The following AUTS2 variants were observed in gnomAD, a reference collection of about 807,000 sequenced individuals.
AUTS2 encodes autism susceptibility gene 2 protein.
In AUTS2, 17 loss-of-function variants were observed where a neutral mutation model predicts 112.4. The ratio of observed to expected loss-of-function variants is 0.15; its 90% CI spans 0.10 to 0.23. The LOEUF (loss-of-function observed/expected upper bound fraction) is 0.23. Ranked by LOEUF, AUTS2 falls within the 10% of genes least tolerant of loss-of-function variation. The pLI is 1.00. For synonymous variants in AUTS2, 751 were observed against 702.7 expected (o/e 1.07, Z -1.09); for missense variants, 1,510 against 1,701.6 (o/e 0.89, Z 1.98).
At chr7:69,714,131 G>C (rs1798468370) in intron 1 of AUTS2, among the ~76,000 whole-genome samples, 1 of 151,654 alleles carries the variant, frequency 6.6e-6, no homozygotes, top group South Asian at 2.1e-4. Flanking sequence ...TATGATCACA[G>C]CTCACTGCAG....
chr7:69,759,596 C>T (rs560506275), intron 1 of AUTS2, among the ~76,000 whole-genome samples: 15 of 152,122 alleles, frequency 9.9e-5, no homozygotes, highest in African/African-American at 2.2e-4. Flanking sequence ...GGGCCTCAAA[C>T]GCCTGGACGT....
intron 5 of AUTS2, among the ~76,000 whole-genome samples, chr7:70,529,484 T>A (rs998333950): frequency 6.6e-6 from 1 of 152,204 alleles, no homozygotes; most frequent in African/African-American, 2.4e-5. Flanking sequence ...GAATTCTCTG[T>A]ATTCAGACCC....
At chr7:69,880,895 G>C (rs977643391) in intron 1 of AUTS2, among the ~76,000 whole-genome samples, 3 of 152,174 alleles carry the variant, frequency 2.0e-5, no homozygotes, top group African/African-American at 7.2e-5. Flanking sequence ...CTCATGGTGA[G>C]AGAGGCAGAG....
intron 4 of AUTS2, among the ~76,000 whole-genome samples, chr7:70,329,800 A>G (rs900386086): frequency 2.0e-5 from 3 of 151,966 alleles, no homozygotes; most frequent in African/African-American, 7.3e-5. Context: ...TGTTGTAACA[A>G]ACTACTTGAC....
intron 1 of AUTS2, among the ~76,000 whole-genome samples, chr7:69,769,608 C>G (rs1438592845): frequency 6.6e-6 from 1 of 152,192 alleles, no homozygotes; most frequent in Non-Finnish European, 1.5e-5. Context: ...ATCTCCCTCC[C>G]CTCCTTTCCT....
At chr7:70,436,071 A>G (rs926539680) in intron 5 of AUTS2, 4 of 329,238 alleles carry the variant, frequency 1.2e-5, no homozygotes, top group Non-Finnish European at 2.2e-5. Context: ...TTAAAAGACA[A>G]AATTATTTAT....
chr7:70,281,895 C>T (rs372831342), intron 4 of AUTS2, among the ~76,000 whole-genome samples: 19 of 152,318 alleles, frequency 1.2e-4, no homozygotes, highest in African/African-American at 4.6e-4. Context: ...TTATCTGCTG[C>T]TTTCTTCCAC....
intron 1 of AUTS2, among the ~76,000 whole-genome samples, chr7:69,871,675 T>C (rs1311031769): frequency 6.6e-6 from 1 of 152,204 alleles, no homozygotes; most frequent in East Asian, 1.9e-4. Flanking sequence ...CTGAGACGGC[T>C]ACTAAGTGAC....
At chr7:70,502,830 A>T (rs1193283843) in intron 5 of AUTS2, among the ~76,000 whole-genome samples, 2 of 152,244 alleles carry the variant, frequency 1.3e-5, no homozygotes, top group South Asian at 4.1e-4. Flanking sequence ...TGTGTTTTAC[A>T]GGTGAAGACT....
At position 70,469,760 on chromosome 7, in the gene AUTS2, C is replaced by T. The variant is rs1797306759; in HGVS notation, c.690+33979C>T. Among the ~76,000 whole-genome samples, 3 of 152,198 alleles carry T rather than the reference C, an allele frequency of 2.0e-5. No individual in the cohort carries two copies. The South Asian group carries it at 6.2e-4, about 32-fold the overall frequency. On this transcript the variant is annotated intron_variant, in intron 5 of 18. Coordinates refer to ENST00000342771, the MANE Select transcript of AUTS2 (RefSeq NM_015570.4). Reference sequence around the variant, plus strand: ...GGTTCAAGCGATTCTCCTGCCTCAGCCTCTTGAGTAGCTAGGAATACAGGC... The same window carrying T: ...GGTTCAAGCGATTCTCCTGCCTCAGTCTCTTGAGTAGCTAGGAATACAGGC...
intron 4 of AUTS2, among the ~76,000 whole-genome samples, chr7:70,225,213 A>G (rs1811700855): frequency 6.6e-6 from 1 of 152,174 alleles, no homozygotes; most frequent in Admixed American, 6.5e-5. Flanking sequence ...TTTGGGTTTA[A>G]TATGTCCAGA....
chr7:70,678,413 A>G (rs1277273505), intron 5 of AUTS2, among the ~76,000 whole-genome samples: 5 of 152,146 alleles, frequency 3.3e-5, no homozygotes, highest in African/African-American at 1.2e-4. Context: ...TTGCCCCTCA[A>G]CTCTCCTTGG....
chr7:69,765,789 GA>G (rs1025577933), intron 1 of AUTS2, among the ~76,000 whole-genome samples: 11 of 151,728 alleles, frequency 7.2e-5, no homozygotes, highest in African/African-American at 2.4e-5. Flanking sequence ...AAAATACAAA[GA>G]AAAAAAATTA....
intron 5 of AUTS2, among the ~76,000 whole-genome samples, chr7:70,554,365 G>T (rs569893796): frequency 6.6e-6 from 1 of 150,448 alleles, no homozygotes; most frequent in Non-Finnish European, 1.5e-5. Context: ...CACTGTGCCC[G>T]GCCTCTTTTT....
intron 5 of AUTS2, among the ~76,000 whole-genome samples, chr7:70,663,763 T>C (rs1276206703): frequency 2.6e-5 from 4 of 152,250 alleles, no homozygotes; most frequent in South Asian, 4.1e-4. Context: ...ACAACATGCA[T>C]GTACCTGTGA....
chr7:70,456,466 G>A (rs953579747), intron 5 of AUTS2, among the ~76,000 whole-genome samples: 7 of 152,316 alleles, frequency 4.6e-5, no homozygotes, highest in Non-Finnish European at 5.9e-5. Context: ...ATTAATTAAT[G>A]CCCACTTACT....
Position 70,024,454 on chromosome 7 carries a change from G to A in AUTS2, c.523-93678G>A, listed in dbSNP as rs76616306. Among the ~76,000 whole-genome samples, 461 of 152,142 alleles carry A rather than the reference G, an allele frequency of 3.0e-3. 4 individuals are homozygous for A. Among genetic ancestry groups the A allele is most frequent in the African/African-American group, 0.011 (436 of 41,508 alleles). ...TGCTGTGACTATTTCCATTAATTAC[G>A]GAGTAGTTATACTGGGACTTGACCA... On this transcript the variant is annotated intron_variant, in intron 2 of 18. Transcript: ENST00000342771.
chr7:70,745,673 T>A (rs1788406454), intron 6 of AUTS2, among the ~76,000 whole-genome samples: 1 of 152,254 alleles, frequency 6.6e-6, no homozygotes, highest in Non-Finnish European at 1.5e-5. Flanking sequence ...TGCTCGCCTT[T>A]AACATTATTT....
chr7:70,133,020 A>G (rs1337247175), intron 3 of AUTS2, among the ~76,000 whole-genome samples: 1 of 152,106 alleles, frequency 6.6e-6, no homozygotes, highest in Non-Finnish European at 1.5e-5. Context: ...CACTGGTATG[A>G]GAAGTTGTCT....
Sources: allele counts gnomAD v4.1 joint callset (sites outside exome capture counted in the v4.1 genomes callset), GRCh38; gene constraint gnomAD v4.1.1; transcripts MANE v1.5; gene names NCBI Gene and HGNC (gene_info 2026-07-23, HGNC 2026-07-21).